EIPR1: variants seen among roughly 807,000 people sequenced by gnomAD.
EIPR1 encodes EARP complex and GARP complex interacting protein 1.
Under a neutral mutation model 48.1 loss-of-function variants are expected in EIPR1, and 25 were observed. The ratio of observed to expected loss-of-function variants is 0.52; its 90% confidence interval spans 0.38 to 0.73. EIPR1 has a LOEUF of 0.73. Ranked by LOEUF, EIPR1 falls within the 30% of genes least tolerant of loss-of-function variation. The pLI, the probability that EIPR1 is intolerant of heterozygous loss-of-function variation, is 0.00. For missense variants in EIPR1, 415 were observed against 506.2 expected (o/e 0.82, Z 1.73); for synonymous variants, 204 against 201.9 (o/e 1.01, Z -0.09).
At position 3,367,863 on chromosome 2, in the gene EIPR1, A is replaced by G. The variant is rs1490304233; in HGVS notation, c.42+9785T>C. Among the ~76,000 whole-genome samples the G allele has an allele frequency of 2.0e-5, 3 of 152,122 alleles. 1 individual carries two copies. The highest frequency in any genetic ancestry group is 6.8e-3 in the Middle Eastern group (2 of 294). On this transcript the variant is annotated intron_variant, in intron 1 of 8. Coordinates refer to ENST00000382125, the MANE Select transcript of EIPR1 (RefSeq NM_003310.5). ...GGAGATCGAGACCATCCTGGCTAAC[A>G]CCCTGAAACCCCCTCTCTAAAAATA...
chr2:3,377,199 T>C (rs1248472379), intron 1 of EIPR1: 1 of 161,956 alleles, frequency 6.2e-6, no homozygotes, highest in Non-Finnish European at 1.3e-5. Context: ...TGTAAAGTGT[T>C]AACATTAAGG....
chr2:3,324,781 G>A (rs1466574315), intron 3 of EIPR1, among the ~76,000 whole-genome samples: 1 of 152,242 alleles, frequency 6.6e-6, no homozygotes, highest in African/African-American at 2.4e-5. Context: ...CGGGGGGAGT[G>A]CAGGCGGCCT....
rs115864942 is a variant in EIPR1 at position 3,357,887 on chromosome 2, C to T, written c.43-3254G>A. Among the ~76,000 whole-genome samples, 1,022 of 152,326 alleles carry T rather than the reference C, an allele frequency of 6.7e-3. 9 individuals carry two copies. Among genetic ancestry groups the T allele is most frequent in the African/African-American group, 0.023 (960 of 41,570 alleles). On this transcript the variant is annotated intron_variant, in intron 1 of 8. Transcript: ENST00000382125. ...TGAAGACACAGATTCTCCCCTAGTGCCTCCAGGAAGTAACAGAGACCTACT... is the reference window on the plus strand; with the variant it reads ...TGAAGACACAGATTCTCCCCTAGTGTCTCCAGGAAGTAACAGAGACCTACT...
At chr2:3,299,177 T>C (rs1668686481) in intron 3 of EIPR1, among the ~76,000 whole-genome samples, 1 of 152,230 alleles carries the variant, frequency 6.6e-6, no homozygotes, top group Non-Finnish European at 1.5e-5. Context: ...TCCTAGCTGT[T>C]GCTGAGAATG....
At chr2:3,303,723 C>T (rs10172942) in intron 3 of EIPR1, among the ~76,000 whole-genome samples, 6,315 of 152,292 alleles carry the variant, frequency 0.041, 146 homozygotes, top group South Asian at 0.072. Flanking sequence ...TGTTTCCCGG[C>T]ACCGTGAACA....
Position 3,314,885 on chromosome 2 carries a change from G to A in EIPR1, c.259+23132C>T, listed in dbSNP as rs140596142. Among the ~76,000 whole-genome samples the A allele has an allele frequency of 2.0e-4, 30 of 151,908 alleles. 1 individual carries two copies. The East Asian group carries it at 4.2e-3, about 21-fold the overall frequency. ...CACGGGCTCTGCCTGGTGACCTGCCGCTCACTCTCAGGACCAGCAACAAGA... is the reference window on the plus strand; with the variant it reads ...CACGGGCTCTGCCTGGTGACCTGCCACTCACTCTCAGGACCAGCAACAAGA... On this transcript the variant is annotated intron_variant, in intron 3 of 8. Coordinates refer to ENST00000382125, the MANE Select transcript of EIPR1 (RefSeq NM_003310.5).
intron 4 of EIPR1, among the ~76,000 whole-genome samples, chr2:3,241,486 T>C (rs1206429243): frequency 6.6e-6 from 1 of 152,222 alleles, no homozygotes; most frequent in Non-Finnish European, 1.5e-5. Flanking sequence ...TCATGGACCA[T>C]CACCATGAAA....
At chr2:3,235,823 T>C (rs938050932) in intron 4 of EIPR1, among the ~76,000 whole-genome samples, 2 of 152,210 alleles carry the variant, frequency 1.3e-5, no homozygotes, top group Non-Finnish European at 2.9e-5. Context: ...TATTGACCCA[T>C]GTCAGCACTT....
chr2:3,238,677 G>T (rs1005849149), intron 4 of EIPR1, among the ~76,000 whole-genome samples: 1 of 152,170 alleles, frequency 6.6e-6, no homozygotes, highest in Non-Finnish European at 1.5e-5. Flanking sequence ...ATGAATCAAG[G>T]GATGCCTTTG....
chr2:3,233,282 C>A (rs1017352669), intron 4 of EIPR1, among the ~76,000 whole-genome samples: 2 of 152,030 alleles, frequency 1.3e-5, no homozygotes, highest in African/African-American at 2.4e-5. Context: ...CCAAAGGGCA[C>A]ACAGAATTCT....
chr2:3,364,069 T>A (rs1488098183), intron 1 of EIPR1, among the ~76,000 whole-genome samples: 1 of 152,140 alleles, frequency 6.6e-6, no homozygotes, highest in African/African-American at 2.4e-5. Context: ...GATGGGAATA[T>A]AAATTAGTAC....
intron 2 of EIPR1, among the ~76,000 whole-genome samples, chr2:3,350,514 T>G (rs886964780): frequency 1.3e-5 from 2 of 152,232 alleles, no homozygotes; most frequent in African/African-American, 4.8e-5. Flanking sequence ...AATAGTACTA[T>G]GAATAACTGC....
chr2:3,270,161 G>C (rs1361495063), intron 3 of EIPR1, among the ~76,000 whole-genome samples: 2 of 152,230 alleles, frequency 1.3e-5, no homozygotes, highest in Admixed American at 6.5e-5. Flanking sequence ...CCAGGACTTG[G>C]AAAGCACAAA....
chr2:3,267,537 T>C lies in EIPR1; in HGVS notation c.260-10082A>G, dbSNP rs369036718. On this transcript the variant is annotated intron_variant, in intron 3 of 8. Coordinates refer to ENST00000382125, the MANE Select transcript of EIPR1 (RefSeq NM_003310.5). ...TCAGATACGCTGTTGTCACAGAGCA[T>C]GTCTATACAAGAATGCAGGCCCTGG... 5.9e-5 allele frequency among the ~76,000 whole-genome samples: 9 copies of C among 152,360 alleles called. No homozygotes were observed. The East Asian group carries it at 9.7e-4, about 16-fold the overall frequency.
chr2:3,258,503 T>TA (rs11372674), intron 3 of EIPR1, among the ~76,000 whole-genome samples: 84,085 of 151,770 alleles, frequency 0.55, 23,637 homozygotes, highest in East Asian at 0.76. Flanking sequence ...CGTTAGAACA[T>TA]AAAAAAACAT....
chr2:3,325,097 C>G (rs1669654073), intron 3 of EIPR1, among the ~76,000 whole-genome samples: 1 of 152,222 alleles, frequency 6.6e-6, no homozygotes, highest in Non-Finnish European at 1.5e-5. Context: ...AGCACTGCCC[C>G]TCTCTGGTTC....
At chr2:3,309,673 T>C in intron 3 of EIPR1, among the ~76,000 whole-genome samples, 1 of 150,464 alleles carries the variant, frequency 6.6e-6, no homozygotes, top group East Asian at 2.0e-4. Context: ...GCGAGGGAGG[T>C]GGGAGTGGAG....
rs900461957 is a variant in EIPR1, at chr2:3,339,193, G to A, written c.127-1044C>T. ...GTTTTGTTTTGTTTTAAAAATGTAC[G>A]CGTGTCCAAATGAGAACCAGCAGGT... On this transcript the variant is annotated intron_variant, in intron 2 of 8. Coordinates refer to ENST00000382125, the MANE Select transcript of EIPR1 (RefSeq NM_003310.5). 1.1e-4 allele frequency among the ~76,000 whole-genome samples: 17 copies of A among 152,280 alleles called. No homozygotes were observed. In the East Asian group the frequency reaches 1.5e-3, roughly 14 times the overall value.
At chr2:3,328,677 C>T (rs1289256213) in intron 3 of EIPR1, among the ~76,000 whole-genome samples, 20 of 125,966 alleles carry the variant, frequency 1.6e-4, no homozygotes, top group East Asian at 5.5e-4. Context: ...GGGCACCAGC[C>T]AGGCTCCCCT....
Sources: allele counts gnomAD v4.1 joint callset (sites outside exome capture counted in the v4.1 genomes callset), GRCh38; gene constraint gnomAD v4.1.1; transcripts MANE v1.5; gene names NCBI Gene and HGNC (gene_info 2026-07-23, HGNC 2026-07-21).